Variants in H4C15 observed in about 807,000 individuals in gnomAD.
H4C15 encodes the protein H4 clustered histone 15.
chr1:149,844,506 T>TA, the H4C15 span: 1 of 152,094 alleles, frequency 6.6e-6, no homozygotes, highest in Non-Finnish European at 1.5e-5. Context: ...AATCCTTTAT[T>TA]AATTCCAGAC....
chr1:149,855,361 C>T (rs2101555977), downstream of H4C15, among the ~76,000 whole-genome samples: 1 of 135,332 alleles, frequency 7.4e-6, no homozygotes, highest in Non-Finnish European at 1.6e-5. Flanking sequence ...ACATTTAATT[C>T]TGCCTTAGGC....
the H4C15 span, chr1:149,845,049 G>A: frequency 3.3e-5 from 5 of 152,352 alleles, no homozygotes; most frequent in South Asian, 1.0e-3. Context: ...TGTGGGGGAA[G>A]GTAGTGGTCA....
downstream of H4C15, among the ~76,000 whole-genome samples, chr1:149,849,269 C>G (rs59793768): frequency 9.2e-3 from 1,408 of 152,308 alleles, 21 homozygotes; most frequent in African/African-American, 0.032. Context: ...TCACCATCAC[C>G]CAGAAAGCTT....
chr1:149,849,968 G>C (rs1161468631), downstream of H4C15, among the ~76,000 whole-genome samples: 1 of 152,168 alleles, frequency 6.6e-6, no homozygotes, highest in South Asian at 2.1e-4. Flanking sequence ...CCCAACCTTT[G>C]TTCATATACA....
At chr1:149,850,462 CG>C, downstream of H4C15, 2 of 1,018,406 alleles carry the variant, frequency 2.0e-6, no homozygotes, top group Middle Eastern at 5.8e-4. Flanking sequence ...GCCAGCTCGC[CG>C]GGCAGCAGCA....
At chr1:149,850,221 T>G (rs2092169320), downstream of H4C15, 1 of 856,862 alleles carries the variant, frequency 1.2e-6, no homozygotes, top group East Asian at 2.6e-5. Context: ...TGTGCTCTCC[T>G]AAAGTTAACC....
downstream of H4C15, among the ~76,000 whole-genome samples, chr1:149,849,751 C>A (rs2092164289): frequency 6.6e-6 from 1 of 152,190 alleles, no homozygotes; most frequent in Non-Finnish European, 1.5e-5. Context: ...GGTGTTAACT[C>A]CTGGTTATCA....
At chr1:149,850,222 A>G (rs587745536), downstream of H4C15, 78 of 856,892 alleles carry the variant, frequency 9.1e-5, no homozygotes, top group African/African-American at 1.0e-3. Flanking sequence ...GTGCTCTCCT[A>G]AAGTTAACCA....
At chr1:149,850,147 C>G (rs2092168298), downstream of H4C15, 4 of 577,978 alleles carry the variant, frequency 6.9e-6, no homozygotes, top group Non-Finnish European at 1.2e-5. Context: ...CACTATCAAT[C>G]TATGTAAGCT....
downstream of H4C15, chr1:149,850,698 C>G: frequency 2.7e-6 from 1 of 363,772 alleles, no homozygotes; most frequent in Non-Finnish European, 4.6e-6. Flanking sequence ...TTCTTGCCGT[C>G]TTTCTTCTGG....
chr1:149,846,383 T>C, the H4C15 span: 9 of 152,242 alleles, frequency 5.9e-5, no homozygotes, highest in Non-Finnish European at 8.8e-5. Flanking sequence ...ATCAAACATA[T>C]GTAAGCCTTT....
chr1:149,858,661 G>C (rs1414692836), downstream of H4C15, among the ~76,000 whole-genome samples: 1 of 90,668 alleles, frequency 1.1e-5, no homozygotes, highest in Non-Finnish European at 2.2e-5. Flanking sequence ...GGGAGGGAGG[G>C]AGGGAGGGAG....
chr1:149,844,594 A>G, the H4C15 span: 14 of 152,302 alleles, frequency 9.2e-5, no homozygotes, highest in African/African-American at 3.4e-4. Flanking sequence ...ACCAAGATAA[A>G]GGCATAATAC....
chr1:149,847,666 G>C, the H4C15 span: 1 of 152,242 alleles, frequency 6.6e-6, no homozygotes, highest in Non-Finnish European at 1.5e-5. Context: ...TCAGCCGGGC[G>C]TGCTGACGCA....
At chr1:149,848,442 GTCC>G in the H4C15 span, 1 of 152,186 alleles carries the variant, frequency 6.6e-6, no homozygotes, top group East Asian at 1.9e-4. Flanking sequence ...CCCACACTGT[GTCC>G]TCCTCTGCAT....
At chr1:149,850,211 T>G (rs1553757567), downstream of H4C15, 1 of 769,200 alleles carries the variant, frequency 1.3e-6, no homozygotes, top group Non-Finnish European at 2.2e-6. Flanking sequence ...CTTGGTGTTG[T>G]GTGCTCTCCT....
chr1:149,850,457 C>G (rs1553757660), downstream of H4C15: 5 of 1,074,804 alleles, frequency 4.7e-6, no homozygotes, highest in South Asian at 5.4e-5. Flanking sequence ...GCTTGGCCAG[C>G]TCGCCGGGCA....
At chr1:149,848,094 T>C in the H4C15 span, 1 of 152,250 alleles carries the variant, frequency 6.6e-6, no homozygotes, top group Admixed American at 6.5e-5. Flanking sequence ...ATTTAGTTTA[T>C]TTAAAATTTT....
chr1:149,844,718 ACACACTTGCTGTCTGC>A, the H4C15 span: 2 of 152,016 alleles, frequency 1.3e-5, no homozygotes, highest in Non-Finnish European at 2.9e-5. Flanking sequence ...TTCCAGGATG[ACACACTTGCTGTCTGC>A]CCCACCCAAT....
Sources: allele counts gnomAD v4.1 joint callset (sites outside exome capture counted in the v4.1 genomes callset), GRCh38; gene constraint gnomAD v4.1.1; transcripts MANE v1.5; gene names NCBI Gene and HGNC (gene_info 2026-07-23, HGNC 2026-07-21).